SLC2A1: variants seen among roughly 807,000 people sequenced by gnomAD.
SLC2A1 encodes solute carrier family 2, facilitated glucose transporter member 1.
Under a neutral mutation model 46.6 loss-of-function variants are expected in SLC2A1, and 4 were observed. The observed-to-expected ratio is 0.09, with a 90% CI of 0.04 to 0.20. SLC2A1 has a LOEUF of 0.20. SLC2A1 is among the 10% of genes least tolerant of loss of function. The pLI is 1.00. For missense variants in SLC2A1, 352 were observed against 667.0 expected (o/e 0.53, Z 5.20); for synonymous variants, 253 against 270.0 (o/e 0.94, Z 0.62).
chr1:42,941,011 A>G (rs1643592100), intron 2 of SLC2A1, among the ~76,000 whole-genome samples: 1 of 151,834 alleles, frequency 6.6e-6, no homozygotes, highest in Non-Finnish European at 1.5e-5. Context: ...CCATTTTTAA[A>G]CCCTTCTCTG....
At chr1:42,941,377 C>G (rs1368910502) in intron 2 of SLC2A1, among the ~76,000 whole-genome samples, 2 of 152,158 alleles carry the variant, frequency 1.3e-5, no homozygotes, top group Non-Finnish European at 2.9e-5. Context: ...CTTTCCCCTC[C>G]TCCTGTTCAC....
intron 2 of SLC2A1, among the ~76,000 whole-genome samples, chr1:42,936,291 G>C (rs1324457569): frequency 6.6e-6 from 1 of 152,182 alleles, no homozygotes; most frequent in Non-Finnish European, 1.5e-5. Flanking sequence ...GGAGGAAAGG[G>C]CCAGCTTCTC....
rs1466799601 is a variant in SLC2A1 at position 42,927,982 on chromosome 1, A to T, written c.1075-174T>A. ...GCCTAAGTTTCCTCATCCGAACAAA[A>T]TGATTTAAGTCCTGCAGGGTGGCTG... On this transcript the variant is annotated intron_variant, in intron 8 of 9. Coordinates refer to ENST00000426263, the MANE Select transcript of SLC2A1 (RefSeq NM_006516.4). The surrounding 1 kb of genome is among the most constrained non-coding windows in gnomAD (Gnocchi z 5.3). Among the ~76,000 whole-genome samples, 1 of 152,176 alleles carries T rather than the reference A, an allele frequency of 6.6e-6. No homozygotes were observed. The highest frequency in any genetic ancestry group is 2.4e-5 in the African/African-American group (1 of 41,426).
chr1:42,929,824 G>A lies in SLC2A1; in HGVS notation c.680-44C>T. 1 of 1,614,206 alleles carries A rather than the reference G, an allele frequency of 6.2e-7. No individual in the cohort carries two copies. The highest frequency in any genetic ancestry group is 8.5e-7 in the Non-Finnish European group (1 of 1,180,004). ...AGGTGAGGGTGGCTCAGAGTGGGAA[G>A]AAGGCCAGGGCTCAGGGAGTGGGGA... On this transcript the variant is annotated intron_variant, in intron 5 of 9. Coordinates refer to ENST00000426263, the MANE Select transcript of SLC2A1 (RefSeq NM_006516.4). This position sits in a 1 kb window ranked among gnomAD's most constrained non-coding sequence, Gnocchi z 6.0.
At chr1:42,928,746 A>C (rs1189936752) in intron 8 of SLC2A1, among the ~76,000 whole-genome samples, 186 bp downstream of exon 8, 3 of 152,186 alleles carry the variant, frequency 2.0e-5, no homozygotes, top group African/African-American at 7.2e-5. Flanking sequence ...AGGGAGGAGC[A>C]AGTTCAAGAG....
chr1:42,927,923 G>T lies in SLC2A1; in HGVS notation c.1075-115C>A. The T allele has an allele frequency of 1.3e-6, 1 of 797,902 alleles. No individual in the cohort carries two copies. Among genetic ancestry groups the T allele is most frequent in the Non-Finnish European group, 2.1e-6 (1 of 472,376 alleles). The allele number at this position is 797,902 out of a possible 1,614,324, so 49.4% of individuals were successfully genotyped here. ...TATGCGAGAAGGCAGGAAGCCTGGG[G>T]ATGGTCCTGGATTTGTTGTGTATCC... On this transcript the variant is annotated intron_variant, in intron 8 of 9. Coordinates refer to ENST00000426263, the MANE Select transcript of SLC2A1 (RefSeq NM_006516.4). The surrounding 1 kb of genome is among the most constrained non-coding windows in gnomAD (Gnocchi z 5.3).
Position 42,930,668 on chromosome 1 carries a change from G to T in SLC2A1, c.474C>A (p.Thr158=), listed in dbSNP as rs553309025. 2 of 1,612,954 alleles carry T rather than the reference G, an allele frequency of 1.2e-6. No homozygotes were observed. The highest frequency in any genetic ancestry group is 1.7e-6 in the Non-Finnish European group (2 of 1,179,398). ...SPTALRGALG[T]LHQLGIVVGI... ...CGACGACGATGCCCAGCTGGTGCAG[G>T]GTGCCCAGGGCCCCACGAAGGGCTG... Residue 158 remains threonine, a synonymous_variant, in exon 4 of 10, where the codon ACC becomes ACA. Coordinates refer to ENST00000426263, the MANE Select transcript of SLC2A1 (RefSeq NM_006516.4). The surrounding 1 kb of genome is among the most constrained non-coding windows in gnomAD (Gnocchi z 6.2).
chr1:42,928,660 T>C (rs1382802589), intron 8 of SLC2A1, among the ~76,000 whole-genome samples: 1 of 152,054 alleles, frequency 6.6e-6, no homozygotes, highest in Non-Finnish European at 1.5e-5. Context: ...GGGTTAATAT[T>C]AGGCAAAGCA....
rs71577684 is a variant in SLC2A1 at position 42,956,407 on chromosome 1, C to CAA, written c.18+2225_18+2226dup. On this transcript the variant is annotated intron_variant, in intron 1 of 9. Transcript: ENST00000426263. ...AGAAACCCCGTCTCTACTAAAACTA[C>CAA]AAAAAAAAAAAAAAAAAAAAAAAAA... Among the ~76,000 whole-genome samples the CAA allele has an allele frequency of 2.0e-3, 90 of 44,524 alleles. 7 individuals carry two copies. Among genetic ancestry groups the CAA allele is most frequent in the African/African-American group, 7.8e-3 (74 of 9,486 alleles). 29.2% of individuals were successfully genotyped at this position (44,524 alleles called of 152,430 possible).
At position 42,954,144 on chromosome 1, in the gene SLC2A1, G is replaced by A. The variant is rs1383401672; in HGVS notation, c.18+4490C>T. On this transcript the variant is annotated intron_variant, in intron 1 of 9. Transcript: ENST00000426263. The surrounding 1 kb of genome is among the most constrained non-coding windows in gnomAD (Gnocchi z 4.2). The stretch of plus-strand genomic sequence containing the variant: ...AGGCTCCTATGGCATGGCAAGTCCT[G>A]TGTCTGGGGATTCCTGCTCATTTGG... 6.6e-6 allele frequency among the ~76,000 whole-genome samples: 1 copy of A among 152,086 alleles called. No homozygotes were observed. The highest frequency in any genetic ancestry group is 1.5e-5 in the Non-Finnish European group (1 of 68,020).
Position 42,928,793 on chromosome 1 carries a change from G to A in SLC2A1, c.1074+139C>T, listed in dbSNP as rs1472382880. ...GGTTTGGAAGGAGACAACTTCAGGAGCCAGAAAGTCAGACCCACAGCCAGG... is the reference window on the plus strand; with the variant it reads ...GGTTTGGAAGGAGACAACTTCAGGAACCAGAAAGTCAGACCCACAGCCAGG... On this transcript the variant is annotated intron_variant, in intron 8 of 9. Coordinates refer to ENST00000426263, the MANE Select transcript of SLC2A1 (RefSeq NM_006516.4). 6 of 796,686 alleles carry A rather than the reference G, an allele frequency of 7.5e-6. No homozygotes were observed. The African/African-American group carries it at 8.4e-5, about 11-fold the overall frequency. The allele number at this position is 796,686 out of a possible 1,614,324, so 49.4% of individuals were successfully genotyped here. A position where few individuals can be genotyped will look rare whatever the true frequency, so the allele number is the denominator to read the frequency against.
rs762107824 is a variant in SLC2A1 at position 42,929,381 on chromosome 1, TG to T, written c.868-68del. 9.9e-6 allele frequency: 13 copies of T among 1,318,936 alleles called. No homozygotes were observed. Among genetic ancestry groups the T allele is most frequent in the African/African-American group, 7.3e-5 (5 of 68,688 alleles). The allele number at this position is 1,318,936 out of a possible 1,614,324, so 81.7% of individuals were successfully genotyped here. A position where few individuals can be genotyped will look rare whatever the true frequency, so the allele number is the denominator to read the frequency against. On this transcript the variant is annotated intron_variant, in intron 6 of 9. Transcript: ENST00000426263. The surrounding 1 kb of genome is among the most constrained non-coding windows in gnomAD (Gnocchi z 6.0). ...TGGCCCTTCCCTGCCTCTGTAGCAG[TG>T]GATGTGGGACCCAGGATGAGTAAAG...
At chr1:42,953,808 G>A (rs1643747233) in intron 1 of SLC2A1, among the ~76,000 whole-genome samples, 2 of 152,186 alleles carry the variant, frequency 1.3e-5, no homozygotes, top group African/African-American at 4.8e-5. Flanking sequence ...CAGCTCCGGG[G>A]CAAATAGGGT....
intron 1 of SLC2A1, among the ~76,000 whole-genome samples, chr1:42,953,382 C>G (rs922360900): frequency 5.9e-5 from 9 of 152,258 alleles, no homozygotes; most frequent in African/African-American, 2.2e-4. Flanking sequence ...CTCCAGTCCA[C>G]CCCTCCCGTG....
intron 1 of SLC2A1, among the ~76,000 whole-genome samples, chr1:42,951,344 T>A (rs891888373): frequency 6.8e-6 from 1 of 147,560 alleles, no homozygotes; most frequent in African/African-American, 2.7e-5. Flanking sequence ...AGTACCAGGG[T>A]AGATTGTTCA....
At position 42,926,284 on chromosome 1, in the gene SLC2A1, T is replaced by C. The variant is rs1282016278; in HGVS notation, c.*757A>G. ...TTTAATATTGACAACCAAAAATATA[T>C]ATAAATATCTTGCATCTATACACAA... is the stretch of plus-strand genomic sequence containing the variant. On this transcript the variant is annotated 3_prime_UTR_variant, in exon 10 of 10. Coordinates refer to ENST00000426263, the MANE Select transcript of SLC2A1 (RefSeq NM_006516.4). The C allele has an allele frequency of 6.5e-6, 1 of 153,126 alleles. No homozygotes were observed. The highest frequency in any genetic ancestry group is 1.5e-5 in the Non-Finnish European group (1 of 68,374). 9.5% of individuals were successfully genotyped at this position (153,126 alleles called of 1,614,324 possible).
At chr1:42,955,346 C>T (rs1570608728) in intron 1 of SLC2A1, among the ~76,000 whole-genome samples, 1 of 152,184 alleles carries the variant, frequency 6.6e-6, no homozygotes, top group African/African-American at 2.4e-5. Flanking sequence ...CGGTAGCTCA[C>T]GCCTGTAATC....
At chr1:42,952,327 C>T (rs1484953908) in intron 1 of SLC2A1, 1 of 464,020 alleles carries the variant, frequency 2.2e-6, no homozygotes, top group Non-Finnish European at 4.3e-6. Context: ...GTGCTGATGA[C>T]ATAGCTGGCT....
intron 1 of SLC2A1, among the ~76,000 whole-genome samples, chr1:42,956,618 A>AATACAG (rs1643780149): frequency 6.6e-6 from 1 of 152,092 alleles, no homozygotes. Context: ...AAAAAATAAA[A>AATACAG]ATACAGATAC....
Sources: allele counts gnomAD v4.1 joint callset (sites outside exome capture counted in the v4.1 genomes callset), GRCh38; gene constraint gnomAD v4.1.1; non-coding constraint Gnocchi (gnomAD v3.1); transcripts MANE v1.5; gene names NCBI Gene and HGNC (gene_info 2026-07-23, HGNC 2026-07-21).